GRID2: variants seen among roughly 807,000 people sequenced by gnomAD.
The protein encoded by GRID2 is glutamate ionotropic receptor delta type subunit 2, also known as glutamate receptor ionotropic, delta-2.
A neutral mutation model predicts 114.8 loss-of-function variants in GRID2; 33 were observed. That is an observed-to-expected ratio of 0.29 (90% CI 0.22 to 0.38). The LOEUF (loss-of-function observed/expected upper bound fraction) is 0.38. Ranked by LOEUF, GRID2 falls within the 10% of genes least tolerant of loss-of-function variation. The probability of loss-of-function intolerance (pLI) is 1.00; values close to 1 mark genes in which losing one functional copy is unlikely to be tolerated. For missense variants in GRID2, 1,184 were observed against 1,257.7 expected (o/e 0.94, Z 0.89); for synonymous variants, 505 against 449.9 (o/e 1.12, Z -1.55).
intron 9 of GRID2, among the ~76,000 whole-genome samples, chr4:93,406,907 G>A (rs1372444232): frequency 1.3e-5 from 2 of 152,178 alleles, no homozygotes; most frequent in Middle Eastern, 3.4e-3. Context: ...TTGGGTAAAC[G>A]ACGAAAAAAC....
At chr4:93,170,846 G>A (rs571628340) in intron 4 of GRID2, among the ~76,000 whole-genome samples, 52 of 147,142 alleles carry the variant, frequency 3.5e-4, no homozygotes, top group Non-Finnish European at 1.8e-4. Flanking sequence ...TTAGAGTCAT[G>A]TTTGATTCTT....
intron 1 of GRID2, among the ~76,000 whole-genome samples, chr4:92,440,374 G>C (rs1337639010): frequency 6.7e-6 from 1 of 148,950 alleles, no homozygotes; most frequent in Non-Finnish European, 1.5e-5. Flanking sequence ...GACTGCGGTG[G>C]CCTTCTCAGA....
chr4:93,007,167 T>A (rs1353133890), intron 2 of GRID2, among the ~76,000 whole-genome samples: 1 of 152,032 alleles, frequency 6.6e-6, no homozygotes, highest in Non-Finnish European at 1.5e-5. Flanking sequence ...AAATGGCATA[T>A]AAGTGCCACT....
intron 1 of GRID2, among the ~76,000 whole-genome samples, chr4:92,420,656 G>A (rs886630044): frequency 6.6e-6 from 1 of 152,038 alleles, no homozygotes; most frequent in African/African-American, 2.4e-5. Context: ...AAGCAGACAT[G>A]GACATCACCC....
chr4:92,903,281 C>T (rs975945114), intron 2 of GRID2, among the ~76,000 whole-genome samples: 8 of 151,294 alleles, frequency 5.3e-5, no homozygotes, highest in African/African-American at 1.9e-4. Flanking sequence ...AAAATGAAGG[C>T]TGAAATAACA....
At chr4:92,577,226 G>C (rs1327884743) in intron 1 of GRID2, among the ~76,000 whole-genome samples, 1 of 152,004 alleles carries the variant, frequency 6.6e-6, no homozygotes, top group Non-Finnish European at 1.5e-5. Context: ...AATGAGTCTT[G>C]AAAAAAAGAC....
chr4:93,141,391 T>G lies in GRID2; in HGVS notation c.735+30438T>G, dbSNP rs549670886. 3.9e-5 allele frequency among the ~76,000 whole-genome samples: 6 copies of G among 152,254 alleles called. No homozygotes were observed. The South Asian group carries it at 1.2e-3, about 32-fold the overall frequency. ...CCTGGAAGCTTGATAAAGTGGATCC[T>G]AGATCCTGATATCCTGGCAGTTACC... On this transcript the variant is annotated intron_variant, in intron 4 of 15. Coordinates refer to ENST00000282020, the MANE Select transcript of GRID2 (RefSeq NM_001510.4).
intron 8 of GRID2, among the ~76,000 whole-genome samples, chr4:93,323,992 AACAGGG>A (rs1327575895): frequency 6.6e-5 from 10 of 152,170 alleles, no homozygotes; most frequent in Admixed American, 1.3e-4. Context: ...GTCATCTGCA[AACAGGG>A]ACAATTTGAC....
intron 8 of GRID2, among the ~76,000 whole-genome samples, chr4:93,260,794 C>G (rs562814108): frequency 6.6e-6 from 1 of 151,862 alleles, no homozygotes; most frequent in Admixed American, 6.6e-5. Context: ...GAATATAAAC[C>G]AATTTCTCTG....
chr4:92,387,230 GA>G (rs915924507), intron 1 of GRID2, among the ~76,000 whole-genome samples: 3 of 150,352 alleles, frequency 2.0e-5, no homozygotes, highest in Non-Finnish European at 3.0e-5. Context: ...AAAAGGCAGA[GA>G]AAAAAAAAGA....
chr4:92,678,647 TA>T (rs77009969), intron 2 of GRID2, among the ~76,000 whole-genome samples: 8,919 of 145,554 alleles, frequency 0.061, 350 homozygotes, highest in East Asian at 0.18. Flanking sequence ...ATGAGCACCT[TA>T]AAAAAAAAAA....
At chr4:92,665,084 C>T (rs541037574) in intron 2 of GRID2, among the ~76,000 whole-genome samples, 1 of 149,360 alleles carries the variant, frequency 6.7e-6, no homozygotes, top group Non-Finnish European at 1.5e-5. Flanking sequence ...TTTCTGCAAG[C>T]ATTATAAATT....
intron 11 of GRID2, among the ~76,000 whole-genome samples, chr4:93,490,383 G>A (rs1386132040): frequency 6.6e-6 from 1 of 151,818 alleles, no homozygotes; most frequent in Non-Finnish European, 1.5e-5. Context: ...TAATTATAGG[G>A]TTGAACAGGA....
At chr4:93,168,418 T>A (rs1738468044) in intron 4 of GRID2, among the ~76,000 whole-genome samples, 1 of 152,114 alleles carries the variant, frequency 6.6e-6, no homozygotes, top group African/African-American at 2.4e-5. Flanking sequence ...ACGTCTTACT[T>A]CAAGAAAGCA....
chr4:92,673,827 G>A (rs545713241), intron 2 of GRID2, among the ~76,000 whole-genome samples: 89 of 152,138 alleles, frequency 5.8e-4, no homozygotes, highest in Non-Finnish European at 1.0e-3. Context: ...CTGTCATGGG[G>A]TGGGGAGGAA....
chr4:92,967,190 G>T (rs1241301799), intron 2 of GRID2, among the ~76,000 whole-genome samples: 1 of 151,862 alleles, frequency 6.6e-6, no homozygotes, highest in Non-Finnish European at 1.5e-5. Flanking sequence ...TTAAATCTGG[G>T]AGCCTTGTGA....
chr4:93,099,128 G>A (rs1244104401), intron 3 of GRID2, among the ~76,000 whole-genome samples: 2 of 151,440 alleles, frequency 1.3e-5, no homozygotes, highest in African/African-American at 2.4e-5. Flanking sequence ...TATATGGAGG[G>A]CTCTGAGTTA....
intron 8 of GRID2, among the ~76,000 whole-genome samples, chr4:93,344,545 T>C (rs1759997576): frequency 6.6e-6 from 1 of 151,118 alleles, no homozygotes; most frequent in Admixed American, 6.6e-5. Context: ...TTAACATCTA[T>C]TGTTGCACAT....
At chr4:93,348,635 T>C (rs969959794) in intron 8 of GRID2, among the ~76,000 whole-genome samples, 2 of 152,020 alleles carry the variant, frequency 1.3e-5, no homozygotes, top group African/African-American at 4.8e-5. Flanking sequence ...TGTGCTGGGG[T>C]TACCTCTAGA....
Sources: gnomAD v4.1 joint callset for allele counts (sites outside exome capture counted in the v4.1 genomes callset) on GRCh38, gnomAD v4.1.1 for gene constraint, MANE v1.5 for transcripts, NCBI Gene and HGNC (gene_info 2026-07-23, HGNC 2026-07-21) for gene names.